FUT8: variants seen among roughly 807,000 people sequenced by gnomAD.
FUT8 encodes alpha-(1,6)-fucosyltransferase.
A neutral mutation model predicts 71.3 loss-of-function variants in FUT8; 29 were observed. That is an observed-to-expected ratio of 0.41 (90% confidence interval 0.30 to 0.55). The LOEUF (loss-of-function observed/expected upper bound fraction) is 0.55, where lower values mean the gene tolerates loss of function less well. Among genes scored for constraint, FUT8 ranks in the 20% least tolerant of loss-of-function variants. The probability of loss-of-function intolerance (pLI) is 0.34; values close to 1 mark genes in which losing one functional copy is unlikely to be tolerated. For synonymous variants in FUT8, 254 were observed against 239.3 expected (o/e 1.06, Z -0.57); for missense variants, 544 against 702.1 (o/e 0.77, Z 2.55).
chr14:65,494,465 T>C (rs987003849), intron 2 of FUT8, among the ~76,000 whole-genome samples: 7 of 152,182 alleles, frequency 4.6e-5, no homozygotes, highest in African/African-American at 1.7e-4. Context: ...CTGATTGAAT[T>C]ACAAGTAGAT....
At chr14:65,623,136 C>T (rs1190345611) in intron 5 of FUT8, among the ~76,000 whole-genome samples, 1 of 152,152 alleles carries the variant, frequency 6.6e-6, no homozygotes, top group Non-Finnish European at 1.5e-5. Flanking sequence ...AGTGATCCTT[C>T]TGCCTTAGCT....
intron 2 of FUT8, among the ~76,000 whole-genome samples, chr14:65,470,016 C>T (rs2066114039): frequency 6.6e-6 from 1 of 152,234 alleles, no homozygotes; most frequent in African/African-American, 2.4e-5. Flanking sequence ...AGGAGCCTGT[C>T]TGCTTCCTGC....
intron 1 of FUT8, among the ~76,000 whole-genome samples, chr14:65,424,933 G>A (rs928013470): frequency 1.3e-5 from 2 of 151,926 alleles, no homozygotes; most frequent in African/African-American, 2.4e-5. Flanking sequence ...CAAAGTGCTG[G>A]GATTACAGGT....
At chr14:65,440,333 G>A (rs1180240657) in intron 1 of FUT8, among the ~76,000 whole-genome samples, 1 of 151,654 alleles carries the variant, frequency 6.6e-6, no homozygotes, top group African/African-American at 2.4e-5. Context: ...CTTGAAAATT[G>A]CTTAGAAAGT....
At chr14:65,437,704 G>T (rs576943476) in intron 1 of FUT8, among the ~76,000 whole-genome samples, 1 of 151,960 alleles carries the variant, frequency 6.6e-6, no homozygotes, top group Non-Finnish European at 1.5e-5. Flanking sequence ...ATTTCTTAAT[G>T]TTTTTTTGTT....
intron 7 of FUT8, among the ~76,000 whole-genome samples, chr14:65,692,244 C>T (rs1407392271): frequency 6.6e-6 from 1 of 150,548 alleles, no homozygotes; most frequent in East Asian, 2.0e-4. Context: ...ACCCCCCCAC[C>T]TCCCTCCCAG....
Position 65,490,795 on chromosome 14 carries a change from G to T in FUT8, c.-228+35077G>T, listed in dbSNP as rs1242529762. The stretch of plus-strand genomic sequence containing the variant: ...TATATAAGGGTTATGGAAGACTGTG[G>T]CAAAAAGCAAGGTTTAGAGCCTTTT... On this transcript the variant is annotated intron_variant, in intron 2 of 10. Transcript: ENST00000673929. 2.6e-5 allele frequency among the ~76,000 whole-genome samples: 4 copies of T among 152,072 alleles called. No homozygotes were observed. The East Asian group carries it at 7.7e-4, about 29-fold the overall frequency.
At chr14:65,540,949 A>G (rs1884644219) in intron 2 of FUT8, among the ~76,000 whole-genome samples, 2 of 152,306 alleles carry the variant, frequency 1.3e-5, no homozygotes, top group South Asian at 4.2e-4. Context: ...GATATTGGGG[A>G]TGGTTAAGAA....
chr14:65,391,845 C>T, the FUT8 span, among the ~76,000 whole-genome samples: 1 of 151,926 alleles, frequency 6.6e-6, no homozygotes, highest in Non-Finnish European at 1.5e-5. Context: ...TGGTCTCGAA[C>T]TCCTGACCTC....
At chr14:65,702,291 G>A (rs975810248) in intron 7 of FUT8, among the ~76,000 whole-genome samples, 1 of 149,238 alleles carries the variant, frequency 6.7e-6, no homozygotes, top group Non-Finnish European at 1.5e-5. Context: ...GTTGCTGTGA[G>A]CTGAGATCAT....
intron 1 of FUT8, among the ~76,000 whole-genome samples, chr14:65,424,542 T>TC (rs984802818): frequency 7.6e-5 from 11 of 144,782 alleles, no homozygotes; most frequent in African/African-American, 2.7e-4. Context: ...TTCTTTTCTT[T>TC]TTTTTTTTTT....
rs1890976383 is a variant in FUT8 at position 65,643,710 on chromosome 14, A to ACACACACACACACACC, written c.597+14109_597+14110insACACACACACCCACAC. 1.4e-5 allele frequency among the ~76,000 whole-genome samples: 2 copies of ACACACACACACACACC among 138,576 alleles called. No individual in the cohort carries two copies. Among genetic ancestry groups the ACACACACACACACACC allele is most frequent in the Non-Finnish European group, 3.2e-5 (2 of 61,954 alleles). 90.9% of individuals were successfully genotyped at this position (138,576 alleles called of 152,430 possible). On this transcript the variant is annotated intron_variant, in intron 6 of 10. Coordinates refer to ENST00000673929, the MANE Select transcript of FUT8 (RefSeq NM_001371533.1). The surrounding 1 kb of genome is among the most constrained non-coding windows in gnomAD (Gnocchi z 4.5). Reference sequence around the variant, plus strand: ...CACACACACACACACACACACACACACACACCAGATTCCATTCTAGATGCT... The same window carrying ACACACACACACACACC: ...CACACACACACACACACACACACACACACACACACACACACCCACACCAGATTCCATTCTAGATGCT...
chr14:65,723,324 TAAAAAA>T (rs71126786), intron 8 of FUT8, among the ~76,000 whole-genome samples: 1 of 147,920 alleles, frequency 6.8e-6, no homozygotes, highest in Non-Finnish European at 1.5e-5. Flanking sequence ...GACCTTGTCT[TAAAAAA>T]AAAAAAATTA....
At position 65,545,809 on chromosome 14, in the gene FUT8, T is replaced by A. The variant is rs144220291; in HGVS notation, c.-227-15528T>A. On this transcript the variant is annotated intron_variant, in intron 2 of 10. Transcript: ENST00000673929. ...TTCTCTGGTTTGTTAATTATATTAC[T>A]AGTTATTTAAGTTGATTCTTATTGT... Among the ~76,000 whole-genome samples the A allele has an allele frequency of 3.1e-3, 467 of 151,986 alleles. 3 individuals carry two copies. The East Asian group carries it at 0.035, about 12-fold the overall frequency.
At chr14:65,511,182 A>T (rs1882316017) in intron 2 of FUT8, among the ~76,000 whole-genome samples, 1 of 152,082 alleles carries the variant, frequency 6.6e-6, no homozygotes. Flanking sequence ...ATTCAGGGGC[A>T]AATCATTTAA....
chr14:65,374,050 G>A, the FUT8 span, among the ~76,000 whole-genome samples: 3 of 152,202 alleles, frequency 2.0e-5, no homozygotes. Flanking sequence ...GGAACCAGTT[G>A]CCCCCAAAGG....
At chr14:65,498,077 T>C (rs1236214335) in intron 2 of FUT8, among the ~76,000 whole-genome samples, 2 of 152,202 alleles carry the variant, frequency 1.3e-5, no homozygotes, top group African/African-American at 4.8e-5. Flanking sequence ...TCAGGAATGC[T>C]CAGCCTCTGT....
intron 2 of FUT8, among the ~76,000 whole-genome samples, chr14:65,510,379 C>T (rs189184553): frequency 9.2e-5 from 14 of 151,944 alleles, no homozygotes; most frequent in Admixed American, 7.2e-4. Flanking sequence ...GGATATTGGT[C>T]CTTAGTTTTC....
At chr14:65,414,390 A>C (rs2065189131) in intron 1 of FUT8, among the ~76,000 whole-genome samples, 1 of 152,140 alleles carries the variant, frequency 6.6e-6, no homozygotes, top group Admixed American at 6.6e-5. Flanking sequence ...AAAGTATTTT[A>C]GGAGAGAAAT....
Sources: allele counts gnomAD v4.1 joint callset (sites outside exome capture counted in the v4.1 genomes callset), GRCh38; gene constraint gnomAD v4.1.1; non-coding constraint Gnocchi (gnomAD v3.1); transcripts MANE v1.5; gene names NCBI Gene and HGNC (gene_info 2026-07-23, HGNC 2026-07-21).